DGKH: variants seen among roughly 807,000 people sequenced by gnomAD.
DGKH encodes the protein DAG kinase eta.
In DGKH, 90 loss-of-function variants were observed where a neutral mutation model predicts 159.3. That is an observed-to-expected ratio of 0.57 (90% CI 0.48 to 0.67). The LOEUF is 0.67. DGKH is among the 30% of genes least tolerant of loss of function. The probability of loss-of-function intolerance (pLI) is 0.00; values close to 1 mark genes in which losing one functional copy is unlikely to be tolerated. For synonymous variants in DGKH, 536 were observed against 553.8 expected (o/e 0.97, Z 0.45); for missense variants, 1,181 against 1,506.1 (o/e 0.78, Z 3.57).
chr13:42,105,340 T>C (rs1954727557), intron 1 of DGKH, among the ~76,000 whole-genome samples: 3 of 152,058 alleles, frequency 2.0e-5, no homozygotes, highest in Admixed American at 1.3e-4. Flanking sequence ...GATAACAACA[T>C]TAATCCATTC....
chr13:42,127,664 A>C, intron 2 of DGKH, 91 bp downstream of exon 2: 2 of 919,618 alleles, frequency 2.2e-6, no homozygotes, highest in Non-Finnish European at 1.7e-6. Flanking sequence ...TTGGAAGCGC[A>C]CTGTAGCATT....
intron 28 of DGKH, chr13:42,221,043 G>A (rs1957956395): frequency 6.6e-6 from 3 of 456,040 alleles, no homozygotes; most frequent in South Asian, 3.4e-5. Context: ...AAGCATGGGT[G>A]CACGGCAGCA....
Position 42,236,043 on chromosome 13 carries a change from G to A in DGKH, c.*6855G>A, listed in dbSNP as rs573385582. On this transcript the variant is annotated 3_prime_UTR_variant, in exon 30 of 30. Coordinates refer to ENST00000337343, the MANE Select transcript of DGKH (RefSeq NM_178009.5). ...ATTTAATAACAAATATAAAAGCTTT[G>A]TATATTTTGTGGCATTAGGGGCAAG... 1 of 152,224 alleles carries A rather than the reference G, an allele frequency of 6.6e-6. No homozygotes were observed. The highest frequency in any genetic ancestry group is 6.5e-5 in the Admixed American group (1 of 15,290). The allele number at this position is 152,224 out of a possible 1,614,324, so 9.4% of individuals were successfully genotyped here.
intron 17 of DGKH, 113 bp from the exon 18 acceptor site, chr13:42,198,365 A>T (rs1310236240): frequency 1.3e-6 from 1 of 793,106 alleles, no homozygotes; most frequent in Non-Finnish European, 2.0e-6. Flanking sequence ...GAAATAAGGC[A>T]CTGAAAACCT....
chr13:42,214,721 A>C (rs1438674528), intron 25 of DGKH, 109 bp downstream of exon 25: 6 of 954,636 alleles, frequency 6.3e-6, no homozygotes, highest in Non-Finnish European at 8.8e-6. Flanking sequence ...TATGTTGTCT[A>C]TATGAGTCTC....
intron 24 of DGKH, among the ~76,000 whole-genome samples, 183 bp from the exon 25 acceptor site, chr13:42,214,324 G>T (rs183816251): frequency 6.6e-6 from 1 of 151,876 alleles, no homozygotes; most frequent in Non-Finnish European, 1.5e-5. Context: ...ATTTTTTGTT[G>T]CAGTGGGGTC....
chr13:42,165,595 G>T (rs1278945583), intron 8 of DGKH, among the ~76,000 whole-genome samples, 162 bp downstream of exon 8: 3 of 152,140 alleles, frequency 2.0e-5, no homozygotes, highest in East Asian at 3.9e-4. Flanking sequence ...ATTTTTAAAA[G>T]AATATATTTA....
chr13:42,088,146 A>C (rs1954343872), intron 1 of DGKH, among the ~76,000 whole-genome samples: 1 of 152,212 alleles, frequency 6.6e-6, no homozygotes, highest in African/African-American at 2.4e-5. Flanking sequence ...AAAAACCATC[A>C]ACCTAGAATT....
At chr13:42,057,426 GTT>G (rs1312408512) in intron 1 of DGKH, among the ~76,000 whole-genome samples, 1 of 152,110 alleles carries the variant, frequency 6.6e-6, no homozygotes, top group Non-Finnish European at 1.5e-5. Flanking sequence ...GAGTTGTATT[GTT>G]CCTCGACACT....
chr13:42,041,259 G>A (rs1566070164), intron 1 of DGKH, among the ~76,000 whole-genome samples: 2 of 152,184 alleles, frequency 1.3e-5, no homozygotes. Flanking sequence ...GAGAAGCCAG[G>A]CTGCGCGGTC....
intron 14 of DGKH, 149 bp from the exon 15 acceptor site, chr13:42,188,887 A>G (rs965957961): frequency 1.1e-6 from 1 of 870,628 alleles, no homozygotes; most frequent in African/African-American, 1.7e-5. Context: ...TCCAGAACCA[A>G]AACATCTACA....
chr13:42,123,123 A>G (rs1448860413), intron 1 of DGKH, among the ~76,000 whole-genome samples: 1 of 152,208 alleles, frequency 6.6e-6, no homozygotes, highest in Non-Finnish European at 1.5e-5. Flanking sequence ...CATATTAGCT[A>G]CATTAAGTCG....
rs75083045 is a variant in DGKH, at chr13:42,229,676, C to G, written c.*488C>G. On this transcript the variant is annotated 3_prime_UTR_variant, in exon 30 of 30. Transcript: ENST00000337343. ...ATTTGAATGTAGATTGGTATCACCT[C>G]CAACTCCTAGTGCTTAGTGGTCAAA... The G allele has an allele frequency of 0.037, 5,692 of 153,554 alleles. 318 individuals are homozygous for G. The highest frequency in any genetic ancestry group is 0.13 in the African/African-American group (5,273 of 41,550). 9.5% of individuals were successfully genotyped at this position (153,554 alleles called of 1,614,324 possible).
At chr13:42,202,784 GA>G (rs1957377538) in intron 20 of DGKH, among the ~76,000 whole-genome samples, 2 of 152,110 alleles carry the variant, frequency 1.3e-5, no homozygotes, top group African/African-American at 4.8e-5. Context: ...TTTTAGAGTA[GA>G]AACACCTTTC....
intron 24 of DGKH, among the ~76,000 whole-genome samples, chr13:42,213,833 G>C (rs1957724597): frequency 6.6e-6 from 1 of 152,060 alleles, no homozygotes; most frequent in South Asian, 2.1e-4. Flanking sequence ...CTCCTTTCTT[G>C]TCCTTGGCCT....
chr13:42,205,354 T>C (rs1352053873), intron 20 of DGKH, among the ~76,000 whole-genome samples: 1 of 152,196 alleles, frequency 6.6e-6, no homozygotes, highest in Non-Finnish European at 1.5e-5. Flanking sequence ...ATAAACAGCA[T>C]TAATTGAAAT....
Position 42,101,533 on chromosome 13 carries a change from G to A in DGKH, c.193-25930G>A, listed in dbSNP as rs1399298391. On this transcript the variant is annotated intron_variant, in intron 1 of 29. Coordinates refer to ENST00000337343, the MANE Select transcript of DGKH (RefSeq NM_178009.5). ...TACGCTATCAGACAGTGCAGACAAC[G>A]AACATTTCCATCATTGCAGAAAGGT... Among the ~76,000 whole-genome samples, 4 of 152,216 alleles carry A rather than the reference G, an allele frequency of 2.6e-5. No individual in the cohort carries two copies. In the South Asian group the frequency reaches 6.2e-4, roughly 24 times the overall value.
intron 1 of DGKH, among the ~76,000 whole-genome samples, chr13:42,056,159 A>G (rs1881740821): frequency 6.6e-6 from 1 of 152,230 alleles, no homozygotes; most frequent in African/African-American, 2.4e-5. Context: ...AGTGGTCAAC[A>G]GCTATTGGTG....
chr13:42,151,515 G>GTATATATATACACGTGTATA (rs1337485666), intron 3 of DGKH, among the ~76,000 whole-genome samples: 4,223 of 100,632 alleles, frequency 0.042, 316 homozygotes, highest in African/African-American at 0.14. Context: ...GTATACACAT[G>GTATATATATACACGTGTATA]TATATATATA....
Sources: gnomAD v4.1 joint callset for allele counts (sites outside exome capture counted in the v4.1 genomes callset) on GRCh38, gnomAD v4.1.1 for gene constraint, MANE v1.5 for transcripts, NCBI Gene and HGNC (gene_info 2026-07-23, HGNC 2026-07-21) for gene names.